Variants in PTPRD observed in about 807,000 individuals in gnomAD.
The protein encoded by PTPRD is protein tyrosine phosphatase receptor type D, also known as receptor-type tyrosine-protein phosphatase delta.
Under a neutral mutation model 214.5 loss-of-function variants are expected in PTPRD, and 34 were observed. The ratio of observed to expected loss-of-function variants is 0.16; its 90% CI spans 0.12 to 0.21. The LOEUF is 0.21. Among genes scored for constraint, PTPRD ranks in the 10% least tolerant of loss-of-function variants. The pLI, the probability that PTPRD is intolerant of heterozygous loss-of-function variation, is 1.00. For missense variants in PTPRD, 2,545 were observed against 2,398.7 expected (o/e 1.06, Z -1.27); for synonymous variants, 1,128 against 845.7 (o/e 1.33, Z -5.79).
At chr9:10,251,355 T>C (rs964174687) in intron 3 of PTPRD, among the ~76,000 whole-genome samples, 1 of 151,846 alleles carries the variant, frequency 6.6e-6, no homozygotes, top group Non-Finnish European at 1.5e-5. Context: ...GTCATATGGC[T>C]AAATAGTAGG....
intron 11 of PTPRD, among the ~76,000 whole-genome samples, chr9:8,965,898 C>G (rs550608636): frequency 6.6e-6 from 1 of 152,066 alleles, no homozygotes; most frequent in Non-Finnish European, 1.5e-5. Flanking sequence ...CCTAAGGACT[C>G]TGACAAAAGA....
chr9:9,813,249 G>T (rs12377735), intron 5 of PTPRD, among the ~76,000 whole-genome samples: 3,174 of 151,842 alleles, frequency 0.021, 54 homozygotes, highest in Middle Eastern at 0.045. Context: ...ACTAGAAAAA[G>T]AACAAACTAA....
intron 30 of PTPRD, among the ~76,000 whole-genome samples, chr9:8,483,475 G>A (rs530347090): frequency 6.6e-5 from 10 of 152,114 alleles, no homozygotes; most frequent in Admixed American, 2.0e-4. Flanking sequence ...TGTAGTAGCC[G>A]GGCGCGGTGG....
intron 2 of PTPRD, among the ~76,000 whole-genome samples, chr9:10,504,915 T>C (rs997974562): frequency 1.3e-5 from 2 of 152,170 alleles, no homozygotes; most frequent in African/African-American, 4.8e-5. Context: ...GGAAAGGGGT[T>C]GCTGAGTGTC....
At chr9:9,974,535 A>C (rs2095280051) in intron 4 of PTPRD, among the ~76,000 whole-genome samples, 1 of 152,194 alleles carries the variant, frequency 6.6e-6, no homozygotes, top group Non-Finnish European at 1.5e-5. Context: ...TCTATTTGAA[A>C]ATAACATTTA....
intron 9 of PTPRD, among the ~76,000 whole-genome samples, chr9:9,228,638 C>A (rs1249760929): frequency 2.0e-5 from 3 of 151,968 alleles, no homozygotes; most frequent in Non-Finnish European, 4.4e-5. Flanking sequence ...AAAAAACTTA[C>A]TTGATCACTG....
rs2057459863 is a variant in PTPRD, at chr9:9,838,533, T to G, written c.-367-71682A>C. ...TCTGATGGCCAGTGATGGTGAGCAT[T>G]TTTTCATGTGTTTTTTGGCTGCATA... is the stretch of plus-strand genomic sequence containing the variant. On this transcript the variant is annotated intron_variant, in intron 5 of 45. Coordinates refer to ENST00000381196, the MANE Select transcript of PTPRD (RefSeq NM_002839.4). Among the ~76,000 whole-genome samples the G allele has an allele frequency of 2.6e-5, 4 of 152,286 alleles. No homozygotes were observed. The East Asian group carries it at 7.7e-4, about 29-fold the overall frequency.
At chr9:9,784,215 C>T (rs543795284) in intron 5 of PTPRD, among the ~76,000 whole-genome samples, 1 of 151,918 alleles carries the variant, frequency 6.6e-6, no homozygotes, top group Admixed American at 6.6e-5. Flanking sequence ...TTAGGAAGAG[C>T]TGTACAAAGG....
chr9:8,951,152 T>TGTGTGTGC (rs998031110), intron 11 of PTPRD, among the ~76,000 whole-genome samples: 7 of 151,548 alleles, frequency 4.6e-5, no homozygotes, highest in Non-Finnish European at 1.0e-4. Flanking sequence ...TGTGTGTGTG[T>TGTGTGTGC]GTGTGTAAGA....
intron 3 of PTPRD, among the ~76,000 whole-genome samples, chr9:10,233,138 T>C (rs778149738): frequency 6.6e-6 from 1 of 152,004 alleles, no homozygotes; most frequent in Non-Finnish European, 1.5e-5. Context: ...GCAAAGCACA[T>C]GGAAAATAAA....
At chr9:9,351,468 T>C (rs2051106306) in intron 9 of PTPRD, among the ~76,000 whole-genome samples, 1 of 151,984 alleles carries the variant, frequency 6.6e-6, no homozygotes, top group South Asian at 2.1e-4. Context: ...ATTTTAGTTC[T>C]ACAAAACGCA....
chr9:8,713,765 T>C (rs963024077), intron 12 of PTPRD: 2 of 1,532,470 alleles, frequency 1.3e-6, no homozygotes, highest in Admixed American at 1.8e-5. Flanking sequence ...AAGATCAAGT[T>C]CCCGCTGCCC....
intron 3 of PTPRD, among the ~76,000 whole-genome samples, chr9:10,328,142 C>T (rs1055937264): frequency 6.6e-6 from 1 of 151,588 alleles, no homozygotes; most frequent in African/African-American, 2.4e-5. Context: ...TTTAGAAATC[C>T]TAAGGAAGGT....
At chr9:9,476,788 G>T (rs185680903) in intron 8 of PTPRD, among the ~76,000 whole-genome samples, 2 of 151,936 alleles carry the variant, frequency 1.3e-5, no homozygotes, top group East Asian at 3.9e-4. Flanking sequence ...CAGGCTGGAG[G>T]GCGATGGCAC....
intron 2 of PTPRD, among the ~76,000 whole-genome samples, chr9:10,364,455 G>T (rs896920949): frequency 6.6e-6 from 1 of 152,096 alleles, no homozygotes; most frequent in Non-Finnish European, 1.5e-5. Flanking sequence ...ATCTATGCAC[G>T]TAACAAAATT....
chr9:9,244,534 G>A (rs1029989926), intron 9 of PTPRD, among the ~76,000 whole-genome samples: 8 of 152,124 alleles, frequency 5.3e-5, no homozygotes, highest in Non-Finnish European at 1.0e-4. Context: ...CAAGCAATGG[G>A]GAAAGGATTC....
chr9:10,133,135 T>G (rs530241620), intron 3 of PTPRD, among the ~76,000 whole-genome samples: 3 of 152,128 alleles, frequency 2.0e-5, no homozygotes, highest in Non-Finnish European at 4.4e-5. Flanking sequence ...CTGTTTACCA[T>G]GGTTGGTAAA....
At chr9:8,919,726 T>C (rs2098811782) in intron 11 of PTPRD, among the ~76,000 whole-genome samples, 1 of 151,520 alleles carries the variant, frequency 6.6e-6, no homozygotes, top group Non-Finnish European at 1.5e-5. Context: ...CAGTCACGCA[T>C]GCATGCACAC....
intron 26 of PTPRD, among the ~76,000 whole-genome samples, chr9:8,495,979 G>A (rs2097257092): frequency 6.6e-6 from 1 of 151,980 alleles, no homozygotes; most frequent in Non-Finnish European, 1.5e-5. Flanking sequence ...TGACTCTTCT[G>A]GTTTTCCCAG....
Sources: allele counts gnomAD v4.1 joint callset (sites outside exome capture counted in the v4.1 genomes callset), GRCh38; gene constraint gnomAD v4.1.1; transcripts MANE v1.5; gene names NCBI Gene and HGNC (gene_info 2026-07-23, HGNC 2026-07-21).